RPGRIP1L: variants seen among roughly 807,000 people sequenced by gnomAD.
RPGRIP1L encodes the protein protein fantom.
RPGRIP1L carries 131 observed loss-of-function variants against 160.4 expected under a neutral mutation model. The ratio of observed to expected loss-of-function variants is 0.82; its 90% confidence interval spans 0.71 to 0.94. The LOEUF (loss-of-function observed/expected upper bound fraction) is 0.94, where lower values mean the gene tolerates loss of function less well. RPGRIP1L is among the 40% of genes least tolerant of loss of function. RPGRIP1L has a pLI of 0.00. For missense variants in RPGRIP1L, 1,522 were observed against 1,535.8 expected, an observed-to-expected ratio of 0.99 and a Z score of 0.15; for synonymous variants, 510 against 515.8, an observed-to-expected ratio of 0.99 and a Z score of 0.15.
chr16:53,603,137 A>C (rs1030524781), intron 26 of RPGRIP1L, among the ~76,000 whole-genome samples: 8 of 152,300 alleles, frequency 5.3e-5, no homozygotes, highest in Middle Eastern at 3.4e-3. Context: ...CACTGCACCC[A>C]GCCCCGAAGG....
At chr16:53,623,373 C>T (rs1964867359) in intron 22 of RPGRIP1L, among the ~76,000 whole-genome samples, 1 of 152,194 alleles carries the variant, frequency 6.6e-6, no homozygotes, top group Non-Finnish European at 1.5e-5. Context: ...TGGATCTACT[C>T]TCATGACAGA....
intron 15 of RPGRIP1L, among the ~76,000 whole-genome samples, chr16:53,650,454 T>C (rs1025647779): frequency 6.6e-6 from 1 of 152,214 alleles, no homozygotes; most frequent in Non-Finnish European, 1.5e-5. Context: ...CTGGGTGTAG[T>C]GGCTCATGCC....
chr16:53,611,389 T>C (rs891699054), intron 24 of RPGRIP1L, among the ~76,000 whole-genome samples: 5 of 152,268 alleles, frequency 3.3e-5, no homozygotes, highest in African/African-American at 9.6e-5. Flanking sequence ...AGGGATTTAC[T>C]GCATTTTCTT....
chr16:53,615,476 T>G (rs1328254558), intron 24 of RPGRIP1L, among the ~76,000 whole-genome samples: 1 of 133,286 alleles, frequency 7.5e-6, no homozygotes, highest in Non-Finnish European at 1.6e-5. Flanking sequence ...ATATATATTT[T>G]TTTTTTTTTT....
intron 14 of RPGRIP1L, 42 bp from the exon 15 acceptor site, chr16:53,653,029 A>G (rs370789112): frequency 7.2e-6 from 11 of 1,528,070 alleles, no homozygotes; most frequent in Middle Eastern, 1.7e-4. Flanking sequence ...CAAAATATTG[A>G]CATGAGAAAA....
chr16:53,638,394 AG>A lies in RPGRIP1L; in HGVS notation c.2975del (p.Pro992LeufsTer11). 6.4e-7 allele frequency: 1 copy of A among 1,565,888 alleles called. No homozygotes were observed. Among genetic ancestry groups the A allele is most frequent in the Non-Finnish European group, 8.8e-7 (1 of 1,136,924 alleles). Reference protein sequence around the residue: ...PHQSDETSPPPEDRKEISPEV... With the variant: ...PHQSDETSPPXEDRKEISPEV... ...CTGGTGAAATTTCCTTCCTATCTTC[AG>A]GAGGAGGAGAAGTCTCCTTATATTA... is the stretch of plus-strand genomic sequence containing the variant. On this transcript the variant is annotated frameshift_variant, in exon 20 of 27. Transcript: ENST00000647211. LOFTEE classifies it high-confidence loss of function.
chr16:53,641,152 G>C (rs768615270), intron 18 of RPGRIP1L, 36 bp from the exon 19 acceptor site: 4 of 1,570,224 alleles, frequency 2.5e-6, no homozygotes, highest in Non-Finnish European at 2.6e-6. Context: ...GACTGAGTAT[G>C]ATGACCATTA....
chr16:53,686,465 A>C lies in RPGRIP1L; in HGVS notation c.744T>G (p.Leu248=). ...RKENEIELSL[L]QLREQQATDQ... ...CTGTAGCTTGCTGTTCTCGAAGCTG[A>C]AGAAGAGATAACTCAATTTCATTTT... The change falls in exon 6 of 27, where the codon CTT becomes CTG. Residue 248 remains leucine, a synonymous_variant. Transcript: ENST00000647211. The C allele has an allele frequency of 1.2e-6, 2 of 1,613,588 alleles. No homozygotes were observed. Among genetic ancestry groups the C allele is most frequent in the Non-Finnish European group, 1.7e-6 (2 of 1,179,764 alleles).
chr16:53,648,827 A>G, intron 16 of RPGRIP1L, 137 bp downstream of exon 16: 1 of 771,278 alleles, frequency 1.3e-6, no homozygotes, highest in Non-Finnish European at 2.2e-6. Context: ...TCCTGTGAGT[A>G]TATGATTACT....
At chr16:53,664,785 T>TA in intron 10 of RPGRIP1L, 85 bp downstream of exon 10, 1 of 1,447,342 alleles carries the variant, frequency 6.9e-7, no homozygotes, top group Non-Finnish European at 9.6e-7. Flanking sequence ...TGGCAAACAG[T>TA]AGGCACCAGA....
chr16:53,677,301 G>A (rs1014048544), intron 6 of RPGRIP1L, among the ~76,000 whole-genome samples: 1 of 152,150 alleles, frequency 6.6e-6, no homozygotes. Flanking sequence ...AAGTAACAAC[G>A]TGGTATAATA....
intron 15 of RPGRIP1L, among the ~76,000 whole-genome samples, chr16:53,651,103 A>G (rs189762265): frequency 6.6e-6 from 1 of 152,262 alleles, no homozygotes; most frequent in East Asian, 1.9e-4. Flanking sequence ...TAACTTGTCC[A>G]AACAGAATTC....
chr16:53,639,418 TC>T (rs1475771034), intron 19 of RPGRIP1L, among the ~76,000 whole-genome samples: 1 of 152,058 alleles, frequency 6.6e-6, no homozygotes, highest in East Asian at 1.9e-4. Context: ...ATAAATATTT[TC>T]TCCTGATATG....
Position 53,652,699 on chromosome 16 carries a change from A to G in RPGRIP1L, c.1988T>C (p.Val663Ala). Residue 663 changes from valine (V) to alanine (A), a missense_variant, in exon 15 of 27, where the codon GTT becomes GCT. By Grantham distance (64) the Val-to-Ala change is moderately conservative. Transcript: ENST00000647211. ...TTGCAAAAATAAGTCATTAACATGA[A>G]CAAGATATTGAGAAGTGAAGTTATA... The part of the protein sequence containing the change: ...PEYNFTSQYL[V>A]HVNDLFLQYI... The G allele has an allele frequency of 6.2e-7, 1 of 1,614,168 alleles. No homozygotes were observed. Among genetic ancestry groups the G allele is most frequent in the Non-Finnish European group, 8.5e-7 (1 of 1,180,008 alleles).
intron 6 of RPGRIP1L, among the ~76,000 whole-genome samples, chr16:53,681,620 C>A (rs1328312571): frequency 6.6e-6 from 1 of 152,000 alleles, no homozygotes; most frequent in Non-Finnish European, 1.5e-5. Context: ...CAAAATAGAC[C>A]ACAACAACAG....
chr16:53,632,674 C>T (rs1319740376), intron 22 of RPGRIP1L, among the ~76,000 whole-genome samples: 1 of 152,184 alleles, frequency 6.6e-6, no homozygotes, highest in Admixed American at 6.5e-5. Context: ...CCTAAGCATA[C>T]CATAATAGGC....
Position 53,619,206 on chromosome 16 carries a change from TG to T in RPGRIP1L, c.3434del (p.Pro1145HisfsTer10), listed in dbSNP as rs752021094. 6.2e-7 allele frequency: 1 copy of T among 1,613,072 alleles called. No individual in the cohort carries two copies. The highest frequency in any genetic ancestry group is 1.1e-5 in the South Asian group (1 of 91,048). On this transcript the variant is annotated frameshift_variant and splice_region_variant, in exon 24 of 27. Transcript: ENST00000647211. LOFTEE classifies it high-confidence loss of function. ...TGATCTCAATCCGAATTTTTTCTGA[TG>T]GCTGTTTAAAGAGCAAAAACAAAAA... ...GITGACHHTQ[P>X]SEKIRIEIIA...
intron 2 of RPGRIP1L, among the ~76,000 whole-genome samples, chr16:53,697,786 C>T (rs1364679230): frequency 2.6e-5 from 4 of 152,052 alleles, no homozygotes; most frequent in Admixed American, 6.5e-5. Context: ...GCCGCCACCC[C>T]GTCTAGGAAG....
At chr16:53,703,261 C>T (rs1971639002) in intron 1 of RPGRIP1L, 1 of 151,906 alleles carries the variant, frequency 6.6e-6, no homozygotes, top group African/African-American at 2.4e-5. Flanking sequence ...GGAGCAAGAA[C>T]CTGTCACACA....
Sources: allele counts gnomAD v4.1 joint callset (sites outside exome capture counted in the v4.1 genomes callset), GRCh38; gene constraint gnomAD v4.1.1; transcripts MANE v1.5; gene names NCBI Gene and HGNC (gene_info 2026-07-23, HGNC 2026-07-21).